Variants in ZFYVE9 observed in about 807,000 individuals in gnomAD.
ZFYVE9 encodes the protein zinc finger FYVE domain-containing protein 9.
ZFYVE9 carries 43 observed loss-of-function variants against 126.7 expected under a neutral mutation model. The ratio of observed to expected loss-of-function variants is 0.34; its 90% CI spans 0.27 to 0.44. The LOEUF is 0.44. Among genes scored for constraint, ZFYVE9 ranks in the 20% least tolerant of loss-of-function variants. The pLI is 1.00. For synonymous variants in ZFYVE9, 521 were observed against 597.4 expected (o/e 0.87, Z 1.87); for missense variants, 1,476 against 1,697.0 (o/e 0.87, Z 2.29).
chr1:52,317,997 T>C (rs1646201682), intron 13 of ZFYVE9, among the ~76,000 whole-genome samples: 1 of 152,218 alleles, frequency 6.6e-6, no homozygotes, highest in Non-Finnish European at 1.5e-5. Flanking sequence ...AATAACACCA[T>C]TTCTGTGCAA....
intron 1 of ZFYVE9, among the ~76,000 whole-genome samples, chr1:52,174,919 C>G (rs1228147750): frequency 6.6e-6 from 1 of 152,092 alleles, no homozygotes; most frequent in Non-Finnish European, 1.5e-5. Flanking sequence ...AGATGGGTGT[C>G]CTGAATACAG....
At chr1:52,179,211 G>A (rs143940797) in intron 1 of ZFYVE9, among the ~76,000 whole-genome samples, 1,581 of 152,294 alleles carry the variant, frequency 0.01, 14 homozygotes, top group Non-Finnish European at 0.017. Context: ...TAGATGAGGC[G>A]ATGGAGTGCA....
At chr1:52,303,772 C>G (rs1463183765) in intron 12 of ZFYVE9, 49 bp from the exon 13 acceptor site, 3 of 1,183,084 alleles carry the variant, frequency 2.5e-6, no homozygotes, top group Non-Finnish European at 2.3e-6. Context: ...TAAATTAAAC[C>G]CTACCATTGA....
intron 1 of ZFYVE9, among the ~76,000 whole-genome samples, chr1:52,199,831 C>T (rs1644907003): frequency 6.6e-6 from 1 of 152,220 alleles, no homozygotes; most frequent in Admixed American, 6.5e-5. Context: ...CCCACATCCT[C>T]TCTAGCATTT....
At chr1:52,214,821 T>C (rs1381556870) in intron 1 of ZFYVE9, among the ~76,000 whole-genome samples, 1 of 152,136 alleles carries the variant, frequency 6.6e-6, no homozygotes, top group Non-Finnish European at 1.5e-5. Flanking sequence ...GTAAGTCCCA[T>C]TCTGAGGGCA....
At chr1:52,228,956 C>G (rs1645193651) in intron 2 of ZFYVE9, among the ~76,000 whole-genome samples, 1 of 151,702 alleles carries the variant, frequency 6.6e-6, no homozygotes, top group South Asian at 2.1e-4. Flanking sequence ...GTGGTGCAGT[C>G]ATAGCTCACT....
chr1:52,202,244 C>A (rs1306769335), intron 1 of ZFYVE9, among the ~76,000 whole-genome samples: 2 of 151,772 alleles, frequency 1.3e-5, no homozygotes, highest in Admixed American at 6.6e-5. Context: ...AGTTGTAATT[C>A]TTTTCTTTAC....
At chr1:52,265,494 A>G (rs1370476828) in intron 5 of ZFYVE9, among the ~76,000 whole-genome samples, 3 of 152,196 alleles carry the variant, frequency 2.0e-5, no homozygotes, top group African/African-American at 4.8e-5. Flanking sequence ...AAAATTTGGT[A>G]TCTTTCATTT....
chr1:52,331,522 G>A (rs546454904), intron 13 of ZFYVE9, among the ~76,000 whole-genome samples: 12 of 151,352 alleles, frequency 7.9e-5, no homozygotes, highest in Non-Finnish European at 1.6e-4. Context: ...GGAGGCTGAG[G>A]TGGGCGGATC....
intron 12 of ZFYVE9, among the ~76,000 whole-genome samples, chr1:52,297,928 G>A (rs6660482): frequency 0.039 from 5,867 of 152,016 alleles, 295 homozygotes; most frequent in African/African-American, 0.12. Context: ...TGGCCAGGCT[G>A]GTCTCAAACT....
At chr1:52,145,960 G>C (rs566076658) in intron 1 of ZFYVE9, among the ~76,000 whole-genome samples, 2 of 151,472 alleles carry the variant, frequency 1.3e-5, no homozygotes, top group East Asian at 3.9e-4. Flanking sequence ...GCATTATATA[G>C]AGCAACATTC....
intron 2 of ZFYVE9, among the ~76,000 whole-genome samples, chr1:52,230,171 G>A (rs1433552326): frequency 6.6e-6 from 1 of 152,102 alleles, no homozygotes; most frequent in African/African-American, 2.4e-5. Flanking sequence ...CCCTGCCTAG[G>A]CTCACAGACA....
At chr1:52,234,525 G>A (rs1645255963) in intron 3 of ZFYVE9, among the ~76,000 whole-genome samples, 1 of 152,106 alleles carries the variant, frequency 6.6e-6, no homozygotes. Flanking sequence ...CAGTGAATCG[G>A]GCTATTCTTT....
At chr1:52,178,383 G>A (rs1644661639) in intron 1 of ZFYVE9, among the ~76,000 whole-genome samples, 1 of 150,054 alleles carries the variant, frequency 6.7e-6, no homozygotes, top group African/African-American at 2.5e-5. Context: ...CCAGGCAGGA[G>A]TGCAGTGGCA....
chr1:52,343,626 C>T (rs1237390985), intron 17 of ZFYVE9, among the ~76,000 whole-genome samples: 1 of 150,534 alleles, frequency 6.6e-6, no homozygotes, highest in Non-Finnish European at 1.5e-5. Flanking sequence ...TGTGGTGGTG[C>T]ACACTTGTAG....
intron 1 of ZFYVE9, among the ~76,000 whole-genome samples, chr1:52,210,958 T>TA (rs1295916186): frequency 6.6e-6 from 1 of 152,052 alleles, no homozygotes; most frequent in Non-Finnish European, 1.5e-5. Flanking sequence ...CCTGGCCAGG[T>TA]ATTTCTCTCT....
At chr1:52,265,824 C>G (rs1239020828) in intron 5 of ZFYVE9, among the ~76,000 whole-genome samples, 1 of 152,150 alleles carries the variant, frequency 6.6e-6, no homozygotes, top group Admixed American at 6.5e-5. Context: ...TTTTAACTAA[C>G]AAGAGCCTTA....
intron 7 of ZFYVE9, 143 bp downstream of exon 7, chr1:52,268,775 G>C: frequency 9.9e-7 from 1 of 1,015,014 alleles, no homozygotes; most frequent in Non-Finnish European, 1.4e-6. Flanking sequence ...TAAAGTAAAT[G>C]TGGCAAAAAT....
chr1:52,257,177 AAAAGG>A lies in ZFYVE9; in HGVS notation c.2179-6585_2179-6581del, dbSNP rs139111107. ...TGGAAAGCCTGTAGTGGGAAATTTT[AAAAGG>A]AAAGGAAAGGGAAATAAGAAAGGTA... On this transcript the variant is annotated intron_variant, in intron 4 of 18. Transcript: ENST00000287727. Among the ~76,000 whole-genome samples, 598 of 152,334 alleles carry A rather than the reference AAAAGG, an allele frequency of 3.9e-3. 11 individuals are homozygous for A. In the South Asian group the frequency reaches 0.044, roughly 11 times the overall value.
Sources: gnomAD v4.1 joint callset for allele counts (sites outside exome capture counted in the v4.1 genomes callset) on GRCh38, gnomAD v4.1.1 for gene constraint, MANE v1.5 for transcripts, NCBI Gene and HGNC (gene_info 2026-07-23, HGNC 2026-07-21) for gene names.